INPP5D: variants seen among roughly 807,000 people sequenced by gnomAD.
The protein encoded by INPP5D is inositol polyphosphate-5-phosphatase D, also known as phosphatidylinositol 3,4,5-trisphosphate 5-phosphatase 1.
A neutral mutation model predicts 122.9 loss-of-function variants in INPP5D; 33 were observed. The ratio of observed to expected loss-of-function variants is 0.27; its 90% CI spans 0.20 to 0.36. The LOEUF is 0.36. Ranked by LOEUF, INPP5D falls within the 10% of genes least tolerant of loss-of-function variation. The probability of loss-of-function intolerance (pLI) is 1.00; values close to 1 mark genes in which losing one functional copy is unlikely to be tolerated. For synonymous variants in INPP5D, 584 were observed against 576.2 expected, an observed-to-expected ratio of 1.01 and a Z score of -0.19; for missense variants, 1,053 against 1,412.7, an observed-to-expected ratio of 0.75 and a Z score of 4.08.
Position 233,100,032 on chromosome 2 carries a change from G to A in INPP5D, c.198+20634G>A, listed in dbSNP as rs182886153. On this transcript the variant is annotated intron_variant, in intron 2 of 26. Transcript: ENST00000445964. This position sits in a 1 kb window ranked among gnomAD's most constrained non-coding sequence, Gnocchi z 5.3. ...CATTCACTATCACGAGAACAGAGCC[G>A]CCATAATTCAATCACCTCCCACCGG... Among the ~76,000 whole-genome samples, 6 of 152,222 alleles carry A rather than the reference G, an allele frequency of 3.9e-5. No homozygotes were observed. Among genetic ancestry groups the A allele is most frequent in the South Asian group, 4.2e-4 (2 of 4,810 alleles).
intron 10 of INPP5D, among the ~76,000 whole-genome samples, chr2:233,159,547 A>AAAAG (rs1694145828): frequency 6.6e-6 from 1 of 150,844 alleles, no homozygotes; most frequent in Non-Finnish European, 1.5e-5. Flanking sequence ...AAAAAAAAAT[A>AAAAG]GCTGGGTGTG....
chr2:233,109,413 CT>C (rs1692552212), intron 2 of INPP5D, among the ~76,000 whole-genome samples: 1 of 152,160 alleles, frequency 6.6e-6, no homozygotes, highest in Admixed American at 6.5e-5. Flanking sequence ...TGTAATTGAC[CT>C]TTTTATTATT....
At chr2:233,150,213 C>T (rs560008067) in intron 9 of INPP5D, among the ~76,000 whole-genome samples, 5 of 152,236 alleles carry the variant, frequency 3.3e-5, no homozygotes, top group South Asian at 4.1e-4. Flanking sequence ...TGGGAAGGAC[C>T]GGGTGGGGAG....
At chr2:233,079,692 G>A (rs768793051) in intron 2 of INPP5D, among the ~76,000 whole-genome samples, 1 of 152,188 alleles carries the variant, frequency 6.6e-6, no homozygotes, top group Non-Finnish European at 1.5e-5. Flanking sequence ...GAAAGGAGGG[G>A]CTGTGGCTTG....
At chr2:233,119,864 C>T (rs1692919763) in intron 2 of INPP5D, among the ~76,000 whole-genome samples, 1 of 152,194 alleles carries the variant, frequency 6.6e-6, no homozygotes, top group South Asian at 2.1e-4. Context: ...GGTCATCCTG[C>T]CTCATCTCTC....
At chr2:233,173,927 A>G (rs1347842194) in intron 17 of INPP5D, among the ~76,000 whole-genome samples, 2 of 151,102 alleles carry the variant, frequency 1.3e-5, no homozygotes, top group African/African-American at 4.9e-5. Context: ...CTCCGTCTCA[A>G]AAAAAAAAAC....
chr2:233,196,636 TG>T (rs2106325102), intron 24 of INPP5D, among the ~76,000 whole-genome samples: 1 of 152,210 alleles, frequency 6.6e-6, no homozygotes, highest in East Asian at 1.9e-4. Flanking sequence ...ATAGTACAGA[TG>T]TTAAAGTCTG....
chr2:233,166,072 TCCACCC>T (rs1330874717), intron 13 of INPP5D, among the ~76,000 whole-genome samples: 3 of 152,094 alleles, frequency 2.0e-5, no homozygotes, highest in African/African-American at 7.2e-5. Flanking sequence ...ACTGCCCGCG[TCCACCC>T]CCACTCGTCC....
chr2:233,168,614 T>C (rs1443974316), intron 13 of INPP5D, among the ~76,000 whole-genome samples: 2 of 152,394 alleles, frequency 1.3e-5, no homozygotes, highest in African/African-American at 4.8e-5. Context: ...TTGAATTTCG[T>C]ATTTTCATGA....
At chr2:233,087,846 C>T (rs1293377769) in intron 2 of INPP5D, among the ~76,000 whole-genome samples, 1 of 152,118 alleles carries the variant, frequency 6.6e-6, no homozygotes, top group African/African-American at 2.4e-5. Context: ...CAGGATCCGC[C>T]GTTATCTATT....
chr2:233,141,978 A>G lies in INPP5D; in HGVS notation c.753+2049A>G, dbSNP rs1341384019. On this transcript the variant is annotated intron_variant, in intron 6 of 26. Transcript: ENST00000445964. ...TTTCTCTGAAGTGAATGATGGGTTA[A>G]TTTCTAAGAAAGTAAAAGCAAATCT... Among the ~76,000 whole-genome samples, 8 of 152,262 alleles carry G rather than the reference A, an allele frequency of 5.3e-5. 1 individual carries two copies. The highest frequency in any genetic ancestry group is 1.0e-4 in the Non-Finnish European group (7 of 68,046).
chr2:233,125,837 G>A lies in INPP5D; in HGVS notation c.442G>A (p.Glu148Lys), dbSNP rs552232273. ...CEAKEVPFSN[E>K]NPRATETSRP... ...GGCCAAGGAGGTTCCTTTTTCAAACGAGAATCCCCGAGCGACCGAGACCAG... is the reference window on the plus strand; with the variant it reads ...GGCCAAGGAGGTTCCTTTTTCAAACAAGAATCCCCGAGCGACCGAGACCAG... Residue 148 changes from glutamate (E) to lysine (K), a missense_variant, in exon 4 of 27, where the codon GAG (glutamate) becomes AAG (lysine). This residue lies in a region of INPP5D where 196 missense variants were observed against 175.6 expected (regional missense o/e 1.12). Transcript: ENST00000445964. 17 of 1,613,764 alleles carry A rather than the reference G, an allele frequency of 1.1e-5. No homozygotes were observed. Among genetic ancestry groups the A allele is most frequent in the Non-Finnish European group, 1.3e-5 (15 of 1,179,830 alleles).
chr2:233,193,140 C>T (rs1305883329), intron 22 of INPP5D, among the ~76,000 whole-genome samples: 2 of 152,222 alleles, frequency 1.3e-5, no homozygotes, highest in South Asian at 2.1e-4. Flanking sequence ...CAGCCCGCCT[C>T]GGCCTCCCAA....
Position 233,170,233 on chromosome 2 carries a change from G to T in INPP5D, c.1791+69G>T. ...TGGAGGCTCCCTTGAGTCAGCTTGGGGCAGGTGGTCGTGGAGACATGTGAA... is the reference window on the plus strand; with the variant it reads ...TGGAGGCTCCCTTGAGTCAGCTTGGTGCAGGTGGTCGTGGAGACATGTGAA... On this transcript the variant is annotated intron_variant, in intron 15 of 26. Coordinates refer to ENST00000445964, the MANE Select transcript of INPP5D (RefSeq NM_001017915.3). This position sits in a 1 kb window ranked among gnomAD's most constrained non-coding sequence, Gnocchi z 4.5. The T allele has an allele frequency of 1.3e-6, 2 of 1,572,310 alleles. No homozygotes were observed. The highest frequency in any genetic ancestry group is 2.3e-5 in the South Asian group (2 of 87,494).
At chr2:233,186,713 T>C (rs1694927920) in intron 21 of INPP5D, among the ~76,000 whole-genome samples, 1 of 54,462 alleles carries the variant, frequency 1.8e-5, no homozygotes, top group South Asian at 6.6e-4. Flanking sequence ...TTTTTTTTTT[T>C]TTTTTTTTTT....
chr2:233,165,884 G>A (rs562493214), intron 13 of INPP5D, among the ~76,000 whole-genome samples: 41 of 152,180 alleles, frequency 2.7e-4, no homozygotes, highest in Middle Eastern at 3.4e-3. Context: ...GTGTGTGCAC[G>A]TGGGGTGGTA....
chr2:233,125,984 A>G (rs906300509), intron 4 of INPP5D, 65 bp downstream of exon 4: 6 of 1,512,492 alleles, frequency 4.0e-6, no homozygotes, highest in Admixed American at 4.1e-5. Context: ...GCAGGGCTGG[A>G]TGGCTTGGGT....
In INPP5D at chr2:233,164,513, G is replaced by C. The variant is rs1314806034; in HGVS notation, c.1555+89G>C. Reference sequence around the variant, plus strand: ...ATCCTGATCCCACCAGTAGTTCCCCGGGTTAAAAACAGAGAGCCTCACATC... The same window carrying C: ...ATCCTGATCCCACCAGTAGTTCCCCCGGTTAAAAACAGAGAGCCTCACATC... On this transcript the variant is annotated intron_variant, in intron 13 of 26. Transcript: ENST00000445964. The surrounding 1 kb of genome is among the most constrained non-coding windows in gnomAD (Gnocchi z 4.3). The C allele has an allele frequency of 7.1e-7, 1 of 1,410,490 alleles. No individual in the cohort carries two copies. The highest frequency in any genetic ancestry group is 9.4e-7 in the Non-Finnish European group (1 of 1,068,436). 87.4% of individuals were successfully genotyped at this position (1,410,490 alleles called of 1,614,324 possible).
At chr2:233,190,289 T>C (rs1695019479) in intron 22 of INPP5D, among the ~76,000 whole-genome samples, 1 of 152,160 alleles carries the variant, frequency 6.6e-6, no homozygotes. Context: ...CCGAGTCATA[T>C]AGGTAGTGGT....
Sources: gnomAD v4.1 joint callset for allele counts (sites outside exome capture counted in the v4.1 genomes callset) on GRCh38, gnomAD v4.1.1 for gene constraint, gnomAD v4.1.1 regional missense constraint, Gnocchi (gnomAD v3.1) non-coding constraint, MANE v1.5 for transcripts, NCBI Gene and HGNC (gene_info 2026-07-23, HGNC 2026-07-21) for gene names.